Variants in FN1 observed in about 807,000 individuals in gnomAD.
FN1 encodes fibronectin 1, also known as fibronectin.
A neutral mutation model predicts 297.3 loss-of-function variants in FN1; 106 were observed. The observed-to-expected ratio is 0.36, with a 90% CI of 0.30 to 0.42. The LOEUF is 0.42. Ranked by LOEUF, FN1 falls within the 10% of genes least tolerant of loss-of-function variation. The pLI is 1.00. For missense variants in FN1, 2,690 were observed against 3,124.9 expected, an observed-to-expected ratio of 0.86 and a Z score of 3.32; for synonymous variants, 1,149 against 1,152.6, an observed-to-expected ratio of 1.00 and a Z score of 0.06.
Position 215,382,291 on chromosome 2 carries a change from G to C in FN1, c.5085C>G (p.Pro1695=). 6.2e-7 allele frequency: 1 copy of C among 1,613,728 alleles called. No individual in the cohort carries two copies. The highest frequency in any genetic ancestry group is 8.5e-7 in the Non-Finnish European group (1 of 1,179,660). The part of the protein sequence containing the change: ...QTEMTIEGLQ[P]TVEYVVSVYA... Reference sequence around the variant, plus strand: ...AGACACTAACCACATACTCCACTGTGGGCTGCAAGCCTTCAATAGTCATTT... The same window carrying C: ...AGACACTAACCACATACTCCACTGTCGGCTGCAAGCCTTCAATAGTCATTT... Residue 1695 remains proline (P), a synonymous_variant, in exon 32 of 46, where the codon CCC becomes CCG. Transcript: ENST00000354785.
chr2:215,430,772 T>C lies in FN1; in HGVS notation c.628A>G (p.Met210Val). The C allele has an allele frequency of 1.2e-6, 2 of 1,614,100 alleles. No individual in the cohort carries two copies. The highest frequency in any genetic ancestry group is 1.7e-6 in the Non-Finnish European group (2 of 1,179,978). ...TWEKPYQGWM[M>V]VDCTCLGEGS... ...TCTCCCAGGCAAGTACAATCTACCA[T>C]CATCCAGCCTTGGTAGGGCTTCTCC... The change falls in exon 5 of 46, where the codon ATG becomes GTG. Residue 210 changes from methionine (M) to valine (V), a missense_variant. This residue lies in a region of FN1 where 876 missense variants were observed against 1,058.1 expected (regional missense o/e 0.83). Transcript: ENST00000354785.
At chr2:215,384,753 T>C in intron 29 of FN1, 107 bp downstream of exon 29, 2 of 814,372 alleles carry the variant, frequency 2.5e-6, no homozygotes, top group South Asian at 1.4e-5. Flanking sequence ...CTCCGTTGAA[T>C]GGACTTGCCA....
At chr2:215,370,144 T>C (rs191964579) in intron 41 of FN1, 150 bp downstream of exon 41, 1 of 754,968 alleles carries the variant, frequency 1.3e-6, no homozygotes, top group East Asian at 2.7e-5. Context: ...ATTAATTTAA[T>C]ATAAAGTTGC....
intron 5 of FN1, among the ~76,000 whole-genome samples, chr2:215,430,052 A>G (rs961879345): frequency 2.0e-5 from 3 of 152,204 alleles, no homozygotes; most frequent in African/African-American, 7.2e-5. Flanking sequence ...GTTAGCAAAG[A>G]ATTTGAATTT....
At position 215,397,721 on chromosome 2, in the gene FN1, C is replaced by G; in HGVS notation, c.3476G>C (p.Gly1159Ala). The G allele has an allele frequency of 6.2e-7, 1 of 1,614,084 alleles. No individual in the cohort carries two copies. Among genetic ancestry groups the G allele is most frequent in the Non-Finnish European group, 8.5e-7 (1 of 1,179,940 alleles). ...TACAATTGGCGCATCTCTTTCCTGT[C>G]CATCTCTCAGGACTTGGATGGTGTA... is the stretch of plus-strand genomic sequence containing the variant. Reference protein sequence around the residue: ...YVYTIQVLRDGQERDAPIVNK... With the variant: ...YVYTIQVLRDAQERDAPIVNK... Residue 1159 changes from glycine to alanine, a missense_variant, in exon 22 of 46, where the codon GGA becomes GCA. By Grantham distance (60) the Gly-to-Ala change is moderately conservative. Coordinates refer to ENST00000354785, the MANE Select transcript of FN1 (RefSeq NM_212482.4).
chr2:215,404,296 A>G, intron 20 of FN1, 93 bp downstream of exon 20: 1 of 1,122,680 alleles, frequency 8.9e-7, no homozygotes, highest in Non-Finnish European at 1.3e-6. Flanking sequence ...CTAATTTTTT[A>G]ATGTTTTTTT....
chr2:215,419,989 G>A (rs2063995778), intron 11 of FN1, among the ~76,000 whole-genome samples: 1 of 152,148 alleles, frequency 6.6e-6, no homozygotes, highest in Admixed American at 6.5e-5. Context: ...ACTTTGTAGT[G>A]CTGGTAACAC....
rs1354206052 is a variant in FN1, at chr2:215,409,936, G to A, written c.2120C>T (p.Thr707Ile). The change falls in exon 14 of 46, where the codon ACC (threonine) becomes ATC (isoleucine). Residue 707 changes from threonine to isoleucine, a missense_variant and splice_region_variant. Thr to Ile is a moderately conservative substitution (Grantham distance 89). Coordinates refer to ENST00000354785, the MANE Select transcript of FN1 (RefSeq NM_212482.4). ...FTTTSTSTPV[T>I]SNTVTGETTP... ...CATGAGGGTGGTTGTGTACATACTGGTCACAGGTGTGCTGGTGCTGGTGGT... is the reference window on the plus strand; with the variant it reads ...CATGAGGGTGGTTGTGTACATACTGATCACAGGTGTGCTGGTGCTGGTGGT... 1 of 1,613,764 alleles carries A rather than the reference G, an allele frequency of 6.2e-7. No homozygotes were observed. The highest frequency in any genetic ancestry group is 8.5e-7 in the Non-Finnish European group (1 of 1,179,990).
intron 42 of FN1, 108 bp downstream of exon 42, chr2:215,367,755 A>G: frequency 4.6e-6 from 5 of 1,088,216 alleles, no homozygotes; most frequent in South Asian, 1.3e-5. Context: ...TGTTTGCTTC[A>G]TGTTTGGAAG....
chr2:215,410,216 C>T (rs2062401577), intron 13 of FN1, 102 bp from the exon 14 acceptor site: 10 of 1,237,900 alleles, frequency 8.1e-6, no homozygotes, highest in Non-Finnish European at 1.2e-5. Context: ...ATGACTTAAG[C>T]AGGACTTAGG....
intron 44 of FN1, 179 bp downstream of exon 44, chr2:215,364,700 T>G: frequency 1.6e-6 from 1 of 632,132 alleles, no homozygotes. Flanking sequence ...ATGAATGGCA[T>G]GTAAGGTAGA....
intron 45 of FN1, 95 bp from the exon 46 acceptor site, chr2:215,361,721 C>A (rs2053484152): frequency 1.5e-5 from 16 of 1,057,096 alleles, no homozygotes; most frequent in Non-Finnish European, 2.2e-5. Context: ...ATGACAGCTG[C>A]TTATAGATAG....
chr2:215,423,650 T>C, intron 8 of FN1, 124 bp from the exon 9 acceptor site: 1 of 869,466 alleles, frequency 1.2e-6, no homozygotes, highest in Non-Finnish European at 1.9e-6. Flanking sequence ...TATCTCAGAA[T>C]AAAAAATGTC....
chr2:215,434,887 T>C (rs983005610), intron 1 of FN1, 63 bp from the exon 2 acceptor site: 2 of 1,572,708 alleles, frequency 1.3e-6, no homozygotes, highest in South Asian at 2.2e-5. Context: ...TTATGGAATT[T>C]TCTTCATGTG....
intron 28 of FN1, among the ~76,000 whole-genome samples, chr2:215,386,212 G>C (rs1309007630): frequency 6.6e-6 from 1 of 151,312 alleles, no homozygotes; most frequent in Non-Finnish European, 1.5e-5. Flanking sequence ...CAGTAGCTGG[G>C]ATTACAGGTG....
Position 215,386,568 on chromosome 2 carries a change from A to AT in FN1, c.4612+120dup, listed in dbSNP as rs5838504. 1.2e-3 allele frequency: 399 copies of AT among 337,212 alleles called. 23 individuals carry two copies. The highest frequency in any genetic ancestry group is 9.7e-3 in the African/African-American group (231 of 23,860). 20.9% of individuals were successfully genotyped at this position (337,212 alleles called of 1,614,324 possible). A position where few individuals can be genotyped will look rare whatever the true frequency, so the allele number is the denominator to read the frequency against. On this transcript the variant is annotated intron_variant, in intron 28 of 45. Coordinates refer to ENST00000354785, the MANE Select transcript of FN1 (RefSeq NM_212482.4). The stretch of plus-strand genomic sequence containing the variant: ...TCTCCATGTACCATGACAATGATCT[A>AT]TTTTTTTTTTTTTTTTTTTTTTTTT...
rs1275447895 is a variant in FN1, at chr2:215,414,854, T to C, written c.1924A>G (p.Ile642Val). ...APQPSHISKY[I>V]LRWRPKNSVG... is the part of the protein sequence containing the mutation. ...ATACTCACAGGTCTCCACCTGAGAATGTACTTGGAAATGTGAGATGGCTGT... is the reference window on the plus strand; with the variant it reads ...ATACTCACAGGTCTCCACCTGAGAACGTACTTGGAAATGTGAGATGGCTGT... The change falls in exon 13 of 46, where the codon ATT (isoleucine) becomes GTT (valine). Residue 642 changes from isoleucine to valine, a missense_variant. By Grantham distance (29) the Ile-to-Val change is conservative (BLOSUM62 3). Around this residue, in one of 3 missense-constraint regions of FN1, gnomAD observed 876 missense variants for 1,058.1 expected, o/e 0.83. Coordinates refer to ENST00000354785, the MANE Select transcript of FN1 (RefSeq NM_212482.4). The C allele has an allele frequency of 6.2e-7, 1 of 1,613,884 alleles. No individual in the cohort carries two copies. The highest frequency in any genetic ancestry group is 1.7e-5 in the Admixed American group (1 of 60,016).
At position 215,408,317 on chromosome 2, in the gene FN1, C is replaced by G; in HGVS notation, c.2409G>C (p.Leu803=). The stretch of plus-strand genomic sequence containing the variant: ...ATGTACCTGTTGTTTGTGAAGTAGA[C>G]AGGATCAAACTCTGCTCCCCATCCT... The part of the protein sequence containing the change: ...ISEDGEQSLI[L]STSQTTAPDA... Residue 803 remains leucine, a synonymous_variant, in exon 16 of 46, where the codon CTG becomes CTC. Coordinates refer to ENST00000354785, the MANE Select transcript of FN1 (RefSeq NM_212482.4). 6.2e-7 allele frequency: 1 copy of G among 1,614,118 alleles called. No individual in the cohort carries two copies. Among genetic ancestry groups the G allele is most frequent in the African/African-American group, 1.3e-5 (1 of 75,028 alleles).
In FN1 at chr2:215,391,725, T is replaced by C. The variant is rs2059727949; in HGVS notation, c.4159A>G (p.Thr1387Ala). ...GGTGAGTAACGCACCAGGAAGTTGG[T>C]TAAATCAATGGATGGGGGTGGAGCC... ...TWAPPPSIDL[T>A]NFLVRYSPVK... is the part of the protein sequence containing the mutation. The change falls in exon 26 of 46, where the codon ACC becomes GCC. Residue 1387 changes from threonine to alanine, a missense_variant. Physicochemically the swap from Thr to Ala is moderately conservative, Grantham distance 58. This residue lies in a region of FN1 where 1,743 missense variants were observed against 1,945.2 expected (regional missense o/e 0.90). Transcript: ENST00000354785. The C allele has an allele frequency of 1.9e-6, 3 of 1,614,154 alleles. No individual in the cohort carries two copies. The highest frequency in any genetic ancestry group is 2.5e-6 in the Non-Finnish European group (3 of 1,180,006).
Sources: allele counts gnomAD v4.1 joint callset (sites outside exome capture counted in the v4.1 genomes callset), GRCh38; gene constraint gnomAD v4.1.1; regional missense constraint gnomAD v4.1.1; transcripts MANE v1.5; gene names NCBI Gene and HGNC (gene_info 2026-07-23, HGNC 2026-07-21).